Variants in DAB1 observed in about 807,000 individuals in gnomAD.
The protein encoded by DAB1 is DAB adaptor protein 1.
DAB1 carries 15 observed loss-of-function variants against 64.6 expected under a neutral mutation model. The ratio of observed to expected loss-of-function variants is 0.23; its 90% confidence interval spans 0.16 to 0.36. DAB1 has a LOEUF of 0.36. DAB1 is among the 10% of genes least tolerant of loss of function. DAB1 has a pLI of 1.00. For synonymous variants in DAB1, 235 were observed against 251.9 expected (o/e 0.93, Z 0.64); for missense variants, 596 against 706.7 (o/e 0.84, Z 1.78).
intron 6 of DAB1, among the ~76,000 whole-genome samples, chr1:57,764,538 C>G (rs1170725933): frequency 1.3e-4 from 20 of 152,152 alleles, no homozygotes; most frequent in Admixed American, 1.3e-3. Context: ...TGCTATCTGG[C>G]CAAAATGTTG....
intron 3 of DAB1, among the ~76,000 whole-genome samples, chr1:58,439,289 C>T (rs563067288): frequency 6.6e-6 from 1 of 152,178 alleles, no homozygotes; most frequent in East Asian, 1.9e-4. Context: ...TTCATGACTT[C>T]CACTGGTCAC....
chr1:58,238,640 G>T (rs1339283317), intron 4 of DAB1, among the ~76,000 whole-genome samples: 1 of 152,156 alleles, frequency 6.6e-6, no homozygotes, highest in African/African-American at 2.4e-5. Flanking sequence ...TGTTTAATGG[G>T]AGCATAACAG....
At chr1:58,435,721 C>A (rs1644936461) in intron 3 of DAB1, among the ~76,000 whole-genome samples, 1 of 152,232 alleles carries the variant, frequency 6.6e-6, no homozygotes, top group African/African-American at 2.4e-5. Context: ...GTCACTATTA[C>A]TGTGTTTTTG....
At chr1:58,402,043 A>C (rs1342158884) in intron 3 of DAB1, among the ~76,000 whole-genome samples, 1 of 152,222 alleles carries the variant, frequency 6.6e-6, no homozygotes, top group Non-Finnish European at 1.5e-5. Flanking sequence ...TCTTGAGTAT[A>C]CTAAGAAATC....
At chr1:58,371,124 G>C (rs1477896197) in intron 3 of DAB1, among the ~76,000 whole-genome samples, 1 of 152,184 alleles carries the variant, frequency 6.6e-6, no homozygotes, top group African/African-American at 2.4e-5. Context: ...GAACTTCCTA[G>C]AGACTTTTTG....
chr1:58,472,445 T>G (rs1273661791), intron 3 of DAB1, among the ~76,000 whole-genome samples: 1 of 152,246 alleles, frequency 6.6e-6, no homozygotes, highest in Admixed American at 6.5e-5. Flanking sequence ...TTTTCATAAG[T>G]CTTGCTTAGA....
rs980081542 is a variant in DAB1, at chr1:57,165,285, C to A, written c.68-19856G>T. On this transcript the variant is annotated intron_variant, in intron 2 of 14. Coordinates refer to ENST00000371236, the MANE Select transcript of DAB1 (RefSeq NM_001365792.1). ...TAATCAGATAACAAAAGCATGAAAA[C>A]CTACACAGCCTTGCTAATTTCAAAA... Among the ~76,000 whole-genome samples the A allele has an allele frequency of 2.0e-5, 3 of 151,598 alleles. No homozygotes were observed. The East Asian group carries it at 5.8e-4, about 29-fold the overall frequency.
rs570543824 is a variant in DAB1, at chr1:58,024,933, A to T, written n.387+125578T>A. The stretch of plus-strand genomic sequence containing the variant: ...AATCAGCAGCTATCTTGGGTACCCA[A>T]CCTGCTGCCTCAGATCTTGGGACTT... On this transcript the variant is annotated intron_variant and non_coding_transcript_variant, in intron 5 of 20. Coordinates refer to the DAB1 transcript ENST00000485760. Among the ~76,000 whole-genome samples, 23 of 152,140 alleles carry T rather than the reference A, an allele frequency of 1.5e-4. No homozygotes were observed. The South Asian group carries it at 4.2e-3, about 28-fold the overall frequency.
chr1:58,470,696 T>C (rs972992717), intron 3 of DAB1, among the ~76,000 whole-genome samples: 1 of 152,228 alleles, frequency 6.6e-6, no homozygotes, highest in Non-Finnish European at 1.5e-5. Flanking sequence ...GTTTATGATA[T>C]ATTTGCATCT....
chr1:58,300,648 GGAAGGA>G (rs1318204438), intron 4 of DAB1, among the ~76,000 whole-genome samples: 95 of 51,662 alleles, frequency 1.8e-3, no homozygotes, highest in African/African-American at 3.1e-3. Flanking sequence ...GAGAGAGAGA[GGAAGGA>G]AGGAAGGAAG....
intron 2 of DAB1, among the ~76,000 whole-genome samples, chr1:57,259,910 C>T (rs1014349149): frequency 2.6e-5 from 4 of 152,176 alleles, no homozygotes; most frequent in East Asian, 3.9e-4. Context: ...TTCTTATTTG[C>T]TAATTTTCTG....
At chr1:57,852,124 C>T (rs2101928854) in intron 1 of DAB1, among the ~76,000 whole-genome samples, 1 of 152,254 alleles carries the variant, frequency 6.6e-6, no homozygotes, top group East Asian at 1.9e-4. Context: ...ATTAGAATTT[C>T]TCTCCCAAAG....
At chr1:57,584,456 A>G (rs1012284900) in intron 7 of DAB1, among the ~76,000 whole-genome samples, 1 of 152,162 alleles carries the variant, frequency 6.6e-6, no homozygotes, top group Admixed American at 6.5e-5. Context: ...GGGTCCTTGG[A>G]ATAGTGTGCT....
intron 3 of DAB1, among the ~76,000 whole-genome samples, chr1:58,364,047 A>C (rs1644193012): frequency 1.3e-5 from 2 of 152,220 alleles, no homozygotes; most frequent in Admixed American, 6.5e-5. Flanking sequence ...ACCCAGGCAG[A>C]CTGAGTGATG....
At chr1:57,731,495 ATG>A (rs1423004686) in intron 6 of DAB1, among the ~76,000 whole-genome samples, 7 of 152,026 alleles carry the variant, frequency 4.6e-5, no homozygotes, top group Admixed American at 4.6e-4. Context: ...ACAATAAAAA[ATG>A]AAAAAAAAGA....
chr1:57,926,612 G>A (rs899714880), intron 5 of DAB1, among the ~76,000 whole-genome samples: 1 of 152,158 alleles, frequency 6.6e-6, no homozygotes, highest in Non-Finnish European at 1.5e-5. Context: ...TCCTGTTCTT[G>A]TTTTTCCTGT....
intron 4 of DAB1, among the ~76,000 whole-genome samples, chr1:58,213,761 C>G: frequency 6.6e-6 from 1 of 152,184 alleles, no homozygotes; most frequent in East Asian, 1.9e-4. Context: ...GATCTGTAGT[C>G]TACCACTTTG....
At chr1:58,215,678 G>T (rs1294968767) in intron 4 of DAB1, among the ~76,000 whole-genome samples, 2 of 152,092 alleles carry the variant, frequency 1.3e-5, no homozygotes, top group East Asian at 3.9e-4. Flanking sequence ...CTTGAGGGGA[G>T]CCTCAAGTTC....
At chr1:57,498,977 T>C (rs1206329726) in intron 7 of DAB1, among the ~76,000 whole-genome samples, 1 of 151,876 alleles carries the variant, frequency 6.6e-6, no homozygotes, top group Non-Finnish European at 1.5e-5. Flanking sequence ...TATATGGTGT[T>C]TTGTTTTGTT....
Sources: gnomAD v4.1 joint callset for allele counts (sites outside exome capture counted in the v4.1 genomes callset) on GRCh38, gnomAD v4.1.1 for gene constraint, MANE v1.5 for transcripts, NCBI Gene and HGNC (gene_info 2026-07-23, HGNC 2026-07-21) for gene names.